The following NOL4 variants were observed in gnomAD, a reference collection of about 807,000 sequenced individuals.
NOL4 encodes the protein cancer/testis antigen 125.
A neutral mutation model predicts 75.9 loss-of-function variants in NOL4; 17 were observed. That is an observed-to-expected ratio of 0.22 (90% CI 0.15 to 0.34). NOL4 has a LOEUF of 0.34. Ranked by LOEUF, NOL4 falls within the 10% of genes least tolerant of loss-of-function variation. NOL4 has a pLI of 1.00. For missense variants in NOL4, 614 were observed against 793.5 expected (o/e 0.77, Z 2.72); for synonymous variants, 292 against 289.9 (o/e 1.01, Z -0.07).
chr18:34,155,148 G>C (rs903652012), intron 1 of NOL4, among the ~76,000 whole-genome samples: 2 of 151,910 alleles, frequency 1.3e-5, no homozygotes, highest in South Asian at 4.1e-4. Context: ...ATACGTGAAA[G>C]TTGGTCAGAG....
chr18:33,881,653 C>T (rs1409931309), intron 10 of NOL4, among the ~76,000 whole-genome samples: 1 of 152,026 alleles, frequency 6.6e-6, no homozygotes, highest in Non-Finnish European at 1.5e-5. Context: ...AGATTCAATG[C>T]CATCCCCATC....
intron 6 of NOL4, among the ~76,000 whole-genome samples, chr18:34,014,956 C>T (rs538764841): frequency 2.6e-5 from 4 of 151,846 alleles, no homozygotes; most frequent in Non-Finnish European, 5.9e-5. Context: ...TGAAACAGGT[C>T]AATATTAAAC....
intron 1 of NOL4, among the ~76,000 whole-genome samples, chr18:34,220,628 AATG>A (rs771380074): frequency 2.0e-5 from 3 of 152,186 alleles, no homozygotes; most frequent in Non-Finnish European, 4.4e-5. Context: ...AACTCATTGA[AATG>A]ATGATTGGCT....
rs2068596369 is a variant in NOL4, at chr18:33,942,999, A to T, written c.1542+66T>A. The T allele has an allele frequency of 2.8e-6, 3 of 1,079,960 alleles. No individual in the cohort carries two copies. The African/African-American group carries it at 4.7e-5, about 17-fold the overall frequency. 66.9% of individuals were successfully genotyped at this position (1,079,960 alleles called of 1,614,324 possible). On this transcript the variant is annotated intron_variant, in intron 9 of 10. Coordinates refer to ENST00000261592, the MANE Select transcript of NOL4 (RefSeq NM_003787.5). ...TTCAAGAGCTTTTACTCTTCAACAT[A>T]AATCAAATTAAATGAACTACATTTG...
At chr18:34,021,118 A>G (rs563035240) in intron 5 of NOL4, among the ~76,000 whole-genome samples, 1 of 152,294 alleles carries the variant, frequency 6.6e-6, no homozygotes, top group African/African-American at 2.4e-5. Context: ...TTAAGTGCTT[A>G]CTCTGACCAA....
At chr18:34,139,403 TG>T (rs1369270460) in intron 1 of NOL4, among the ~76,000 whole-genome samples, 2 of 152,190 alleles carry the variant, frequency 1.3e-5, no homozygotes, top group African/African-American at 4.8e-5. Context: ...GGTTTAGTCT[TG>T]GGAGGGTGTA....
At chr18:33,893,485 T>C (rs1407289017) in intron 9 of NOL4, among the ~76,000 whole-genome samples, 1 of 152,184 alleles carries the variant, frequency 6.6e-6, no homozygotes, top group African/African-American at 2.4e-5. Context: ...GATAGACATG[T>C]TATTTATAAA....
At chr18:33,857,475 A>C (rs1319421093) in intron 10 of NOL4, among the ~76,000 whole-genome samples, 1 of 152,068 alleles carries the variant, frequency 6.6e-6, no homozygotes, top group Admixed American at 6.6e-5. Context: ...GATCGAATTC[A>C]ACAAGAAACA....
At chr18:34,103,922 T>C (rs1432231288) in intron 4 of NOL4, 125 bp downstream of exon 4, 24 of 636,748 alleles carry the variant, frequency 3.8e-5, no homozygotes, top group Non-Finnish European at 6.5e-5. Context: ...GCAACTGTGG[T>C]GAGATTCATT....
chr18:34,173,043 T>G (rs1286086324), intron 1 of NOL4, among the ~76,000 whole-genome samples: 2 of 152,094 alleles, frequency 1.3e-5, no homozygotes, highest in Non-Finnish European at 2.9e-5. Flanking sequence ...TTGCTTTTTT[T>G]GCCTGTGTTT....
intron 10 of NOL4, among the ~76,000 whole-genome samples, chr18:33,857,791 C>T (rs182070125): frequency 5.4e-4 from 82 of 152,234 alleles, no homozygotes; most frequent in Middle Eastern, 3.4e-3. Context: ...AATACAACTG[C>T]TAATGGCTCT....
chr18:33,876,413 T>G (rs994842645), intron 10 of NOL4, among the ~76,000 whole-genome samples: 1 of 152,088 alleles, frequency 6.6e-6, no homozygotes, highest in Non-Finnish European at 1.5e-5. Context: ...ACTTGATCTC[T>G]TAGAAGTTAC....
chr18:33,950,882 TCA>T (rs2069171291), intron 8 of NOL4, among the ~76,000 whole-genome samples: 1 of 152,162 alleles, frequency 6.6e-6, no homozygotes, highest in African/African-American at 2.4e-5. Context: ...ATCACATTTC[TCA>T]CACACACCAG....
chr18:34,146,731 T>G (rs2081415240), intron 1 of NOL4, among the ~76,000 whole-genome samples: 1 of 134,552 alleles, frequency 7.4e-6, no homozygotes, highest in Non-Finnish European at 1.7e-5. Context: ...TTTAAAGTAG[T>G]TTTTTTTTTT....
At chr18:33,892,684 G>A (rs2065164647) in intron 9 of NOL4, among the ~76,000 whole-genome samples, 1 of 151,160 alleles carries the variant, frequency 6.6e-6, no homozygotes, top group African/African-American at 2.4e-5. Flanking sequence ...TTGAGATGGG[G>A]TCTTGCTCTG....
chr18:34,070,867 A>T (rs2145251766), intron 5 of NOL4, among the ~76,000 whole-genome samples: 1 of 152,290 alleles, frequency 6.6e-6, no homozygotes, highest in African/African-American at 2.4e-5. Context: ...CAATATAAAC[A>T]TGAATCTTAT....
rs969931361 is a variant in NOL4, at chr18:34,166,795, T to C, written c.265-36775A>G. Among the ~76,000 whole-genome samples the C allele has an allele frequency of 2.6e-4, 28 of 106,390 alleles. 9 individuals are homozygous for C. The highest frequency in any genetic ancestry group is 5.0e-4 in the Non-Finnish European group (24 of 48,472). The allele number at this position is 106,390 out of a possible 152,430, so 69.8% of individuals were successfully genotyped here. On this transcript the variant is annotated intron_variant, in intron 1 of 10. Transcript: ENST00000261592. The stretch of plus-strand genomic sequence containing the variant: ...GCTCACGCCTGTAATCCCAGCACTT[T>C]GGGAGGCCGAGGCGGGTGGATCATG...
At chr18:33,970,655 CTT>C (rs1248926950) in intron 6 of NOL4, among the ~76,000 whole-genome samples, 1 of 151,862 alleles carries the variant, frequency 6.6e-6, no homozygotes, top group African/African-American at 2.4e-5. Context: ...ATCCTCATAA[CTT>C]ATACAGAATG....
intron 9 of NOL4, among the ~76,000 whole-genome samples, chr18:33,906,526 T>A (rs1258131541): frequency 6.6e-6 from 1 of 152,180 alleles, no homozygotes; most frequent in Non-Finnish European, 1.5e-5. Flanking sequence ...ACCAAACAAT[T>A]CCTACTAGTG....
Sources: allele counts gnomAD v4.1 joint callset (sites outside exome capture counted in the v4.1 genomes callset), GRCh38; gene constraint gnomAD v4.1.1; transcripts MANE v1.5; gene names NCBI Gene and HGNC (gene_info 2026-07-23, HGNC 2026-07-21).